Variants in UBE2D1 observed in about 807,000 individuals in gnomAD.
UBE2D1 encodes the protein ubiquitin-conjugating enzyme E2 D1.
UBE2D1 carries 9 observed loss-of-function variants against 24.6 expected under a neutral mutation model. That is an observed-to-expected ratio of 0.37 (90% CI 0.22 to 0.64). UBE2D1 has a LOEUF of 0.64. UBE2D1 is among the 30% of genes least tolerant of loss of function. The pLI is 0.64. For synonymous variants in UBE2D1, 57 were observed against 57.6 expected, an observed-to-expected ratio of 0.99 and a Z score of 0.04; for missense variants, 87 against 177.1, an observed-to-expected ratio of 0.49 and a Z score of 2.89.
chr10:58,335,418 G>A (rs898780173), intron 1 of UBE2D1, among the ~76,000 whole-genome samples, 193 bp downstream of exon 1: 13 of 152,362 alleles, frequency 8.5e-5, no homozygotes, highest in African/African-American at 3.1e-4. Context: ...TCAGGTCCCA[G>A]GCGGCCGGAG....
intron 1 of UBE2D1, among the ~76,000 whole-genome samples, chr10:58,339,498 T>C (rs1351420871): frequency 6.6e-6 from 1 of 152,212 alleles, no homozygotes; most frequent in Non-Finnish European, 1.5e-5. Flanking sequence ...ACAATGGATA[T>C]GTATGGATAT....
intron 3 of UBE2D1, among the ~76,000 whole-genome samples, chr10:58,362,571 A>T (rs1403848963): frequency 2.6e-5 from 4 of 152,110 alleles, no homozygotes; most frequent in African/African-American, 7.2e-5. Context: ...TTTCACAAAT[A>T]TTTTTTAGGT....
chr10:58,368,844 G>A lies in UBE2D1; in HGVS notation c.*79G>A. 2 of 906,768 alleles carry A rather than the reference G, an allele frequency of 2.2e-6. No individual in the cohort carries two copies. Among genetic ancestry groups the A allele is most frequent in the Non-Finnish European group, 3.3e-6 (2 of 607,530 alleles). The allele number at this position is 906,768 out of a possible 1,614,324, so 56.2% of individuals were successfully genotyped here. ...CAACATTAGCAGTAAATTGAGCACT[G>A]TTTACTGTTTCATTGTACCATGAAA... On this transcript the variant is annotated 3_prime_UTR_variant, in exon 7 of 7. Coordinates refer to ENST00000373910, the MANE Select transcript of UBE2D1 (RefSeq NM_003338.5).
chr10:58,369,961 A>C lies in UBE2D1; in HGVS notation c.*1196A>C, dbSNP rs1481334160. The C allele has an allele frequency of 2.0e-5, 3 of 151,846 alleles. No homozygotes were observed. The highest frequency in any genetic ancestry group is 7.3e-5 in the African/African-American group (3 of 41,350). The allele number at this position is 151,846 out of a possible 1,614,324, so 9.4% of individuals were successfully genotyped here. ...TAGATTAATTCATTAAAATGCCCCC[A>C]CCCTGATGTAATTGACATTACATTT... On this transcript the variant is annotated 3_prime_UTR_variant, in exon 7 of 7. Coordinates refer to ENST00000373910, the MANE Select transcript of UBE2D1 (RefSeq NM_003338.5).
In UBE2D1 at chr10:58,370,338, G is replaced by T. The variant is rs1840302076; in HGVS notation, c.*1573G>T. On this transcript the variant is annotated 3_prime_UTR_variant, in exon 7 of 7. Transcript: ENST00000373910. ...GAATATGTGATGGGTGTAGTCATTA[G>T]CAAAGCATTTAAATCACTTGAGTAT... The T allele has an allele frequency of 6.6e-6, 1 of 152,448 alleles. No individual in the cohort carries two copies. The highest frequency in any genetic ancestry group is 2.4e-5 in the African/African-American group (1 of 41,414). 9.4% of individuals were successfully genotyped at this position (152,448 alleles called of 1,614,324 possible). A position where few individuals can be genotyped will look rare whatever the true frequency, so the allele number is the denominator to read the frequency against.
intron 5 of UBE2D1, among the ~76,000 whole-genome samples, chr10:58,367,104 A>G (rs945113953): frequency 2.0e-5 from 3 of 152,064 alleles, no homozygotes; most frequent in Non-Finnish European, 4.4e-5. Context: ...GTAAGAGTCA[A>G]CTCTGCTCTA....
At chr10:58,361,571 T>C (rs779704390) in intron 3 of UBE2D1, 45 bp downstream of exon 3, 4 of 1,610,946 alleles carry the variant, frequency 2.5e-6, no homozygotes, top group Non-Finnish European at 2.5e-6. Flanking sequence ...TCAGCCATAC[T>C]TCATTCTTGC....
chr10:58,367,926 T>C lies in UBE2D1; in HGVS notation c.308T>C (p.Leu103Ser), dbSNP rs1411124009. The C allele has an allele frequency of 6.2e-7, 1 of 1,601,844 alleles. No individual in the cohort carries two copies. Among genetic ancestry groups the C allele is most frequent in the Admixed American group, 1.7e-5 (1 of 59,774 alleles). Reference sequence around the variant, plus strand: ...TGATGTTCTCTTTTAAATCTAGTTTTATTGTCCATATGTTCTCTACTTTGT... The same window carrying C: ...TGATGTTCTCTTTTAAATCTAGTTTCATTGTCCATATGTTCTCTACTTTGT... ...WSPALTVSKV[L>S]LSICSLLCDP... The change falls in exon 6 of 7, where the codon TTA (leucine) becomes TCA (serine). Residue 103 changes from leucine (L) to serine (S), a missense_variant. Leu to Ser is a moderately radical substitution (Grantham distance 145, BLOSUM62 -2). Coordinates refer to ENST00000373910, the MANE Select transcript of UBE2D1 (RefSeq NM_003338.5).
At chr10:58,341,752 A>G (rs967823036) in intron 1 of UBE2D1, among the ~76,000 whole-genome samples, 1 of 152,198 alleles carries the variant, frequency 6.6e-6, no homozygotes, top group Non-Finnish European at 1.5e-5. Flanking sequence ...AATGAGTGCT[A>G]CTAATAGAAA....
Position 58,361,899 on chromosome 10 carries a change from A to G in UBE2D1, c.120+373A>G, listed in dbSNP as rs140932785. 3.7e-3 allele frequency among the ~76,000 whole-genome samples: 557 copies of G among 152,118 alleles called. 3 individuals are homozygous for G. Among genetic ancestry groups the G allele is most frequent in the Non-Finnish European group, 6.1e-3 (412 of 67,986 alleles). On this transcript the variant is annotated intron_variant, in intron 3 of 6. Coordinates refer to ENST00000373910, the MANE Select transcript of UBE2D1 (RefSeq NM_003338.5). ...GTTAGAAATTAGTCTAATGAAGCCA[A>G]TAATTGAATTCCTACAAGTAACAAG...
At chr10:58,350,545 T>C (rs1840062912) in intron 1 of UBE2D1, among the ~76,000 whole-genome samples, 1 of 152,058 alleles carries the variant, frequency 6.6e-6, no homozygotes, top group African/African-American at 2.4e-5. Context: ...TTTCTCTCAC[T>C]TTGTGGCTTG....
rs146204209 is a variant in UBE2D1, at chr10:58,352,736, T to C, written c.25-8602T>C. ...ACTTTTCAGAATTTACCAGGTCTTATCACCTTACTTTTTAATATTTCATAT... is the reference window on the plus strand; with the variant it reads ...ACTTTTCAGAATTTACCAGGTCTTACCACCTTACTTTTTAATATTTCATAT... On this transcript the variant is annotated intron_variant, in intron 1 of 6. Coordinates refer to ENST00000373910, the MANE Select transcript of UBE2D1 (RefSeq NM_003338.5). 2.7e-3 allele frequency among the ~76,000 whole-genome samples: 416 copies of C among 152,338 alleles called. 2 individuals carry two copies. The highest frequency in any genetic ancestry group is 6.8e-3 in the Middle Eastern group (2 of 294).
rs774396274 is a variant in UBE2D1 at position 58,347,639 on chromosome 10, C to CTTTTTTTTT, written c.24+12426_24+12434dup. Among the ~76,000 whole-genome samples, 21 of 116,232 alleles carry CTTTTTTTTT rather than the reference C, an allele frequency of 1.8e-4. 1 individual carries two copies. The South Asian group carries it at 2.8e-3, about 16-fold the overall frequency. 76.3% of individuals were successfully genotyped at this position (116,232 alleles called of 152,430 possible). On this transcript the variant is annotated intron_variant, in intron 1 of 6. Coordinates refer to ENST00000373910, the MANE Select transcript of UBE2D1 (RefSeq NM_003338.5). ...TCAAGCTTTTATTCTAAATTACACT[C>CTTTTTTTTT]TTTTTTTTTTTTTTTTTTTTGCCCC... is the stretch of plus-strand genomic sequence containing the variant.
chr10:58,346,963 C>G (rs1284773746), intron 1 of UBE2D1, among the ~76,000 whole-genome samples: 2 of 152,180 alleles, frequency 1.3e-5, no homozygotes, highest in Non-Finnish European at 2.9e-5. Context: ...TTGGTGTGAT[C>G]CATCTATGCC....
Position 58,345,111 on chromosome 10 carries a change from C to T in UBE2D1, c.24+9886C>T, listed in dbSNP as rs1840002005. ...AACTCCTGACTTCAAGTGATCCACC[C>T]GCCTTGGCCTCCCAAAGTGCTGGGA... On this transcript the variant is annotated intron_variant, in intron 1 of 6. Transcript: ENST00000373910. 2.6e-5 allele frequency among the ~76,000 whole-genome samples: 4 copies of T among 152,078 alleles called. No homozygotes were observed. In the South Asian group the frequency reaches 8.3e-4, roughly 31 times the overall value.
chr10:58,370,647 A>T lies in UBE2D1; in HGVS notation c.*1882A>T, dbSNP rs186722228. ...GATAGTAAAGGGTTTTGTTTCTTGA[A>T]TATCTTCACTTTAAACAAAAAAAAA... On this transcript the variant is annotated 3_prime_UTR_variant, in exon 7 of 7. Coordinates refer to ENST00000373910, the MANE Select transcript of UBE2D1 (RefSeq NM_003338.5). 7.1e-6 allele frequency: 1 copy of T among 141,032 alleles called. No individual in the cohort carries two copies. Among genetic ancestry groups the T allele is most frequent in the East Asian group, 2.1e-4 (1 of 4,836 alleles). The allele number at this position is 141,032 out of a possible 1,614,324, so 8.7% of individuals were successfully genotyped here. A position where few individuals can be genotyped will look rare whatever the true frequency, so the allele number is the denominator to read the frequency against.
intron 1 of UBE2D1, among the ~76,000 whole-genome samples, chr10:58,338,894 T>G (rs1003040207): frequency 2.9e-4 from 44 of 152,218 alleles, no homozygotes; most frequent in African/African-American, 1.1e-3. Flanking sequence ...GGCCCCCAAA[T>G]GGAACATTAG....
intron 1 of UBE2D1, among the ~76,000 whole-genome samples, chr10:58,355,638 A>G (rs1277210142): frequency 1.3e-5 from 2 of 152,184 alleles, no homozygotes; most frequent in African/African-American, 2.4e-5. Flanking sequence ...CTTGGGAAAG[A>G]AAGTAGGGAA....
At chr10:58,339,910 A>G (rs778261956) in intron 1 of UBE2D1, among the ~76,000 whole-genome samples, 2 of 152,160 alleles carry the variant, frequency 1.3e-5, no homozygotes, top group African/African-American at 4.8e-5. Context: ...ACTTCTTAGG[A>G]GAGAATGATA....
Sources: gnomAD v4.1 joint callset for allele counts (sites outside exome capture counted in the v4.1 genomes callset) on GRCh38, gnomAD v4.1.1 for gene constraint, MANE v1.5 for transcripts, NCBI Gene and HGNC (gene_info 2026-07-23, HGNC 2026-07-21) for gene names.